The following ATRNL1 variants were observed in gnomAD, a reference collection of about 807,000 sequenced individuals.
ATRNL1 encodes the protein attractin-like protein 1.
Under a neutral mutation model 182.7 loss-of-function variants are expected in ATRNL1, and 95 were observed. The observed-to-expected ratio is 0.52, with a 90% CI of 0.44 to 0.62. The LOEUF is 0.62. Ranked by LOEUF, ATRNL1 falls within the 20% of genes least tolerant of loss-of-function variation. The pLI, the probability that ATRNL1 is intolerant of heterozygous loss-of-function variation, is 0.00. For missense variants in ATRNL1, 1,471 were observed against 1,679.5 expected, an observed-to-expected ratio of 0.88 and a Z score of 2.17; for synonymous variants, 576 against 568.3, an observed-to-expected ratio of 1.01 and a Z score of -0.19.
chr10:115,520,634 A>G (rs1406119640), intron 25 of ATRNL1, among the ~76,000 whole-genome samples: 1 of 152,194 alleles, frequency 6.6e-6, no homozygotes, highest in Non-Finnish European at 1.5e-5. Context: ...GGCATTTTCT[A>G]TCATCAGATA....
intron 26 of ATRNL1, among the ~76,000 whole-genome samples, chr10:115,617,167 C>T (rs149502900): frequency 6.6e-6 from 1 of 152,354 alleles, no homozygotes; most frequent in East Asian, 1.9e-4. Flanking sequence ...CACCAGTGTG[C>T]TCTAGATGTG....
intron 24 of ATRNL1, among the ~76,000 whole-genome samples, chr10:115,503,782 T>G (rs1849967229): frequency 6.6e-6 from 1 of 152,010 alleles, no homozygotes; most frequent in Non-Finnish European, 1.5e-5. Context: ...TGAACATCAC[T>G]TTTTCTTAAA....
At chr10:115,476,405 A>G (rs1357364509) in intron 24 of ATRNL1, among the ~76,000 whole-genome samples, 3 of 151,214 alleles carry the variant, frequency 2.0e-5, no homozygotes, top group Non-Finnish European at 4.4e-5. Flanking sequence ...TCAGTTGGAT[A>G]TTTATTTGAT....
intron 26 of ATRNL1, among the ~76,000 whole-genome samples, chr10:115,704,993 C>G (rs1415542488): frequency 1.3e-5 from 2 of 151,818 alleles, no homozygotes; most frequent in African/African-American, 4.8e-5. Context: ...CAGTCACTCT[C>G]ATATGAGACA....
chr10:115,760,037 A>C (rs1262529602), intron 27 of ATRNL1, among the ~76,000 whole-genome samples: 1 of 151,552 alleles, frequency 6.6e-6, no homozygotes, highest in Non-Finnish European at 1.5e-5. Flanking sequence ...CATTGATCTG[A>C]TAAAATTTAC....
At chr10:115,207,549 TC>T (rs1205777369) in intron 8 of ATRNL1, among the ~76,000 whole-genome samples, 58 of 152,208 alleles carry the variant, frequency 3.8e-4, no homozygotes, top group African/African-American at 1.2e-3. Flanking sequence ...GATTTTTTTT[TC>T]TTTTAGTCTG....
At chr10:115,268,803 C>G (rs1851715818) in intron 13 of ATRNL1, among the ~76,000 whole-genome samples, 1 of 152,186 alleles carries the variant, frequency 6.6e-6, no homozygotes, top group Admixed American at 6.6e-5. Context: ...GGATTCCTGT[C>G]AGACATGCAT....
chr10:115,558,057 CAAAAA>C (rs1403789923), intron 26 of ATRNL1, among the ~76,000 whole-genome samples: 1 of 71,098 alleles, frequency 1.4e-5, no homozygotes, highest in African/African-American at 5.5e-5. Flanking sequence ...AACAAAAAAA[CAAAAA>C]AACAAAAAAA....
At chr10:115,222,279 A>G (rs1849497887) in intron 9 of ATRNL1, among the ~76,000 whole-genome samples, 1 of 152,184 alleles carries the variant, frequency 6.6e-6, no homozygotes, top group Admixed American at 6.6e-5. Context: ...AAAGAAAGAC[A>G]AAATGATGAC....
chr10:115,942,804 G>GTAA (rs782579205), intron 28 of ATRNL1, among the ~76,000 whole-genome samples: 1 of 152,168 alleles, frequency 6.6e-6, no homozygotes, highest in Non-Finnish European at 1.5e-5. Flanking sequence ...TGGCCTCATG[G>GTAA]TTTAGTATGG....
chr10:115,472,615 T>A (rs1592707098), intron 24 of ATRNL1, among the ~76,000 whole-genome samples: 1 of 151,308 alleles, frequency 6.6e-6, no homozygotes, highest in East Asian at 1.9e-4. Flanking sequence ...CCAGTAAATA[T>A]GATTTGTTTA....
chr10:115,719,082 T>A (rs574187576), intron 26 of ATRNL1, among the ~76,000 whole-genome samples: 9 of 152,316 alleles, frequency 5.9e-5, no homozygotes, highest in Admixed American at 4.6e-4. Context: ...ACAAATAGGC[T>A]TTTATTTTTT....
intron 1 of ATRNL1, among the ~76,000 whole-genome samples, chr10:115,108,508 G>A (rs11197066): frequency 0.21 from 31,858 of 152,130 alleles, 4,280 homozygotes; most frequent in Non-Finnish European, 0.3. Context: ...TCTGATTTCT[G>A]TAGGGGTCAC....
rs564924763 is a variant in ATRNL1 at position 115,499,570 on chromosome 10, A to G, written c.3655-19693A>G. Among the ~76,000 whole-genome samples the G allele has an allele frequency of 2.6e-5, 4 of 152,346 alleles. No homozygotes were observed. In the South Asian group the frequency reaches 8.3e-4, roughly 32 times the overall value. On this transcript the variant is annotated intron_variant, in intron 24 of 28. Coordinates refer to ENST00000355044, the MANE Select transcript of ATRNL1 (RefSeq NM_207303.4). ...CTGGTTTTATACATTTTAGGGAGAC[A>G]TAAGACATTAACATATGTAAGATGA...
intron 27 of ATRNL1, among the ~76,000 whole-genome samples, chr10:115,829,841 C>A (rs1950519995): frequency 6.6e-6 from 1 of 152,178 alleles, no homozygotes; most frequent in Admixed American, 6.5e-5. Context: ...GTTCCTTAGG[C>A]ATTTACAAAC....
chr10:115,534,292 A>C (rs1015918849), intron 25 of ATRNL1, among the ~76,000 whole-genome samples: 3 of 151,798 alleles, frequency 2.0e-5, no homozygotes, highest in Non-Finnish European at 2.9e-5. Flanking sequence ...GTGCTCCTGT[A>C]TTGGGTGCAT....
chr10:115,609,994 A>C (rs565233587), intron 26 of ATRNL1, among the ~76,000 whole-genome samples: 1 of 152,300 alleles, frequency 6.6e-6, no homozygotes, highest in South Asian at 2.1e-4. Context: ...GAAATGGATA[A>C]CTGACAATAA....
Position 115,840,326 on chromosome 10 carries a change from G to A in ATRNL1, c.3904-7551G>A, listed in dbSNP as rs117319447. Among the ~76,000 whole-genome samples, 186 of 152,146 alleles carry A rather than the reference G, an allele frequency of 1.2e-3. 3 individuals are homozygous for A. In the East Asian group the frequency reaches 0.035, roughly 29 times the overall value. ...CCATTAACAGAGATTTTAAAAATAT[G>A]GTCTATGTCCTCAGATATCTTTCTT... On this transcript the variant is annotated intron_variant, in intron 27 of 28. Coordinates refer to ENST00000355044, the MANE Select transcript of ATRNL1 (RefSeq NM_207303.4).
At chr10:115,260,719 A>G (rs546327149) in intron 10 of ATRNL1, among the ~76,000 whole-genome samples, 1 of 152,288 alleles carries the variant, frequency 6.6e-6, no homozygotes, top group South Asian at 2.1e-4. Flanking sequence ...ATTTTAATAA[A>G]AATAGTTAAT....
Sources: allele counts gnomAD v4.1 joint callset (sites outside exome capture counted in the v4.1 genomes callset), GRCh38; gene constraint gnomAD v4.1.1; transcripts MANE v1.5; gene names NCBI Gene and HGNC (gene_info 2026-07-23, HGNC 2026-07-21).